The following AGMO variants were observed in gnomAD, a reference collection of about 807,000 sequenced individuals.
AGMO encodes glyceryl-ether monooxygenase.
Under a neutral mutation model 60.2 loss-of-function variants are expected in AGMO, and 75 were observed. That is an observed-to-expected ratio of 1.25 (90% CI 1.03 to 1.51). The LOEUF (loss-of-function observed/expected upper bound fraction) is 1.51, where lower values mean the gene tolerates loss of function less well. Among genes scored for constraint, AGMO ranks in the 40% most tolerant of loss-of-function variants. The pLI is 0.00. For missense variants in AGMO, 763 were observed against 525.5 expected, an observed-to-expected ratio of 1.45 and a Z score of -4.42; for synonymous variants, 261 against 177.1, an observed-to-expected ratio of 1.47 and a Z score of -3.76.
At chr7:15,363,682 T>A (rs574560431) in intron 12 of AGMO, among the ~76,000 whole-genome samples, 1 of 152,278 alleles carries the variant, frequency 6.6e-6, no homozygotes, top group South Asian at 2.1e-4. Context: ...CATACTACAT[T>A]GCCCTCCACC....
At chr7:15,159,993 T>C in the AGMO span, among the ~76,000 whole-genome samples, 1 of 152,196 alleles carries the variant, frequency 6.6e-6, no homozygotes, top group Non-Finnish European at 1.5e-5. Context: ...GCTGCTTCAC[T>C]TTTATTTATC....
intron 5 of AGMO, among the ~76,000 whole-genome samples, chr7:15,406,931 G>GCACACA (rs375471235): frequency 2.1e-5 from 2 of 94,502 alleles, no homozygotes; most frequent in African/African-American, 8.0e-5. Context: ...ATACACACGC[G>GCACACA]CACACACACA....
chr7:15,370,357 T>C (rs1259984444), intron 10 of AGMO, among the ~76,000 whole-genome samples: 2 of 152,240 alleles, frequency 1.3e-5, no homozygotes, highest in Admixed American at 6.5e-5. Context: ...AATGCTGCGA[T>C]GAACATGAGT....
intron 3 of AGMO, among the ~76,000 whole-genome samples, chr7:15,461,319 C>T (rs1782136048): frequency 6.6e-6 from 1 of 151,422 alleles, no homozygotes. Flanking sequence ...ACTTTATACC[C>T]CTTTTCTATT....
At chr7:15,520,745 T>G (rs561086438) in intron 3 of AGMO, among the ~76,000 whole-genome samples, 5 of 152,120 alleles carry the variant, frequency 3.3e-5, no homozygotes, top group Non-Finnish European at 1.5e-5. Flanking sequence ...TAGGAGAAAG[T>G]ATGAAATATC....
chr7:15,382,641 G>C (rs1783737127), intron 10 of AGMO, among the ~76,000 whole-genome samples: 1 of 152,108 alleles, frequency 6.6e-6, no homozygotes, highest in African/African-American at 2.4e-5. Context: ...ATTATTTTAT[G>C]ATAACAAAAT....
chr7:15,529,444 C>CA (rs1046885183), intron 3 of AGMO, among the ~76,000 whole-genome samples: 10 of 144,350 alleles, frequency 6.9e-5, no homozygotes, highest in East Asian at 2.1e-4. Flanking sequence ...ACAACATCAA[C>CA]AAAAAAAACA....
At chr7:15,219,397 T>G (rs1781846843) in intron 12 of AGMO, among the ~76,000 whole-genome samples, 1 of 151,824 alleles carries the variant, frequency 6.6e-6, no homozygotes, top group Non-Finnish European at 1.5e-5. Flanking sequence ...ATATTTAAAG[T>G]GAGACAAGAA....
chr7:15,410,446 T>G (rs1026600549), intron 5 of AGMO, among the ~76,000 whole-genome samples: 1 of 151,878 alleles, frequency 6.6e-6, no homozygotes. Context: ...ATTTTTATAG[T>G]TAAGAATGCA....
chr7:15,136,336 A>G, the AGMO span, among the ~76,000 whole-genome samples: 1 of 152,072 alleles, frequency 6.6e-6, no homozygotes, highest in Non-Finnish European at 1.5e-5. Flanking sequence ...AAGGGCTACA[A>G]GCTCCCTTAC....
intron 10 of AGMO, among the ~76,000 whole-genome samples, chr7:15,373,168 C>T (rs770541484): frequency 6.6e-6 from 1 of 151,806 alleles, no homozygotes. Context: ...ATTCCAGCTA[C>T]TTGGGAGGTT....
the AGMO span, among the ~76,000 whole-genome samples, chr7:15,192,828 A>T: frequency 6.6e-6 from 1 of 152,062 alleles, no homozygotes; most frequent in South Asian, 2.1e-4. Flanking sequence ...AACTAGCCAC[A>T]CCCCTGTCGT....
intron 3 of AGMO, among the ~76,000 whole-genome samples, chr7:15,525,431 G>A (rs927784821): frequency 2.0e-5 from 3 of 151,896 alleles, no homozygotes; most frequent in Admixed American, 6.6e-5. Context: ...ACACTGCCAT[G>A]CTCACCTTTG....
rs545482423 is a variant in AGMO, at chr7:15,207,563, T to A, written c.1264-6204A>T. ...CATACTCTTGATGTTCTGACCTAACTTCTCAATTTTTACCAGCTTAGATTG... is the reference window on the plus strand; with the variant it reads ...CATACTCTTGATGTTCTGACCTAACATCTCAATTTTTACCAGCTTAGATTG... On this transcript the variant is annotated intron_variant, in intron 12 of 12. Transcript: ENST00000342526. Among the ~76,000 whole-genome samples, 9 of 152,352 alleles carry A rather than the reference T, an allele frequency of 5.9e-5. No homozygotes were observed. The South Asian group carries it at 1.9e-3, about 32-fold the overall frequency.
At chr7:15,119,817 G>C in the AGMO span, among the ~76,000 whole-genome samples, 5 of 152,108 alleles carry the variant, frequency 3.3e-5, no homozygotes, top group African/African-American at 7.2e-5. Context: ...AGAGAAAATG[G>C]AAACAATTAG....
chr7:15,383,088 A>C (rs992344909), intron 10 of AGMO, among the ~76,000 whole-genome samples: 1 of 151,956 alleles, frequency 6.6e-6, no homozygotes, highest in Non-Finnish European at 1.5e-5. Context: ...CTGGGTACAT[A>C]ATCTAGGACC....
At chr7:15,269,140 T>C (rs1283385497) in intron 12 of AGMO, among the ~76,000 whole-genome samples, 1 of 152,098 alleles carries the variant, frequency 6.6e-6, no homozygotes, top group Admixed American at 6.6e-5. Flanking sequence ...ATGCAGAAAT[T>C]ACTAAAAGTG....
intron 3 of AGMO, among the ~76,000 whole-genome samples, chr7:15,483,516 C>G (rs111486061): frequency 6.6e-6 from 1 of 151,894 alleles, no homozygotes; most frequent in African/African-American, 2.4e-5. Context: ...CAGTGAGCCG[C>G]GATAGATCGT....
In AGMO at chr7:15,529,729, A is replaced by C. The variant is rs1187502222; in HGVS notation, c.409+15043T>G. ...ATACTATATATATACTATATACTCT[A>C]TATATATTCTATATATATATTTCTA... On this transcript the variant is annotated intron_variant, in intron 3 of 12. Transcript: ENST00000342526. 3.0e-5 allele frequency among the ~76,000 whole-genome samples: 3 copies of C among 101,012 alleles called. 1 individual carries two copies. The highest frequency in any genetic ancestry group is 1.1e-4 in the African/African-American group (3 of 28,328). 66.3% of individuals were successfully genotyped at this position (101,012 alleles called of 152,430 possible).
Sources: allele counts gnomAD v4.1 joint callset (sites outside exome capture counted in the v4.1 genomes callset), GRCh38; gene constraint gnomAD v4.1.1; transcripts MANE v1.5; gene names NCBI Gene and HGNC (gene_info 2026-07-23, HGNC 2026-07-21).